ULK4: variants seen among roughly 807,000 people sequenced by gnomAD.
The protein encoded by ULK4 is inactive serine/threonine-protein kinase ULK4.
ULK4 carries 133 observed loss-of-function variants against 160.6 expected under a neutral mutation model. The observed-to-expected ratio is 0.83, with a 90% CI of 0.72 to 0.96. ULK4 has a LOEUF of 0.96. Ranked by LOEUF, ULK4 falls within the 40% of genes least tolerant of loss-of-function variation. ULK4 has a pLI of 0.00. For missense variants in ULK4, 1,580 were observed against 1,499.5 expected, an observed-to-expected ratio of 1.05 and a Z score of -0.89; for synonymous variants, 534 against 539.8, an observed-to-expected ratio of 0.99 and a Z score of 0.15.
At chr3:41,730,200 G>C (rs2037778308) in intron 22 of ULK4, among the ~76,000 whole-genome samples, 1 of 151,962 alleles carries the variant, frequency 6.6e-6, no homozygotes, top group South Asian at 2.1e-4. Flanking sequence ...AAATAAGAAA[G>C]ATCTCAAAGA....
chr3:41,300,837 T>TATATATA lies in ULK4; in HGVS notation c.3679-51264_3679-51263insTATATAT, dbSNP rs1553640531. ...GATTAAATTTTGATCATTTTACAGA[T>TATATATA]TATATATATATATATATATATATAT... On this transcript the variant is annotated intron_variant, in intron 35 of 36. Coordinates refer to ENST00000301831, the MANE Select transcript of ULK4 (RefSeq NM_017886.4). Among the ~76,000 whole-genome samples the TATATATA allele has an allele frequency of 4.4e-3, 256 of 57,856 alleles. 26 individuals are homozygous for TATATATA. Among genetic ancestry groups the TATATATA allele is most frequent in the African/African-American group, 6.4e-3 (140 of 21,952 alleles). 38.0% of individuals were successfully genotyped at this position (57,856 alleles called of 152,430 possible). A position where few individuals can be genotyped will look rare whatever the true frequency, so the allele number is the denominator to read the frequency against.
At chr3:41,950,137 A>C (rs1194810384) in intron 2 of ULK4, among the ~76,000 whole-genome samples, 1 of 150,728 alleles carries the variant, frequency 6.6e-6, no homozygotes, top group Non-Finnish European at 1.5e-5. Flanking sequence ...CTCAGGTTGG[A>C]GCACAGTGGC....
chr3:41,806,125 T>C (rs1310776638), intron 19 of ULK4, among the ~76,000 whole-genome samples: 1,726 of 143,316 alleles, frequency 0.012, 21 homozygotes, highest in African/African-American at 0.046. Flanking sequence ...GGACTCTTTT[T>C]CGTTGGTAAG....
intron 14 of ULK4, among the ~76,000 whole-genome samples, chr3:41,897,580 A>G (rs1305136270): frequency 2.6e-5 from 4 of 152,142 alleles, no homozygotes. Flanking sequence ...ATAATCTCCT[A>G]AATAACTCAA....
chr3:41,566,215 G>T, intron 31 of ULK4, 85 bp from the exon 32 acceptor site: 3 of 1,060,154 alleles, frequency 2.8e-6, no homozygotes. Context: ...GATGTCCACT[G>T]CTTCATTCTT....
chr3:41,863,872 G>A (rs1427887187), intron 17 of ULK4, among the ~76,000 whole-genome samples: 1 of 151,688 alleles, frequency 6.6e-6, no homozygotes, highest in Non-Finnish European at 1.5e-5. Flanking sequence ...CAGAAGGAAG[G>A]GGTCTTTTTT....
At chr3:41,721,279 T>TTTTG (rs1553639846) in intron 22 of ULK4, among the ~76,000 whole-genome samples, 26 of 98,908 alleles carry the variant, frequency 2.6e-4, no homozygotes, top group African/African-American at 9.6e-4. Context: ...TTTTTTTTTT[T>TTTTG]TTTTTGGGTT....
At chr3:41,907,236 A>T (rs1698602056) in intron 12 of ULK4, among the ~76,000 whole-genome samples, 1 of 152,048 alleles carries the variant, frequency 6.6e-6, no homozygotes, top group Non-Finnish European at 1.5e-5. Context: ...AAGAATTCTA[A>T]AACTGTGGTG....
At chr3:41,724,748 G>C (rs1447349460) in intron 22 of ULK4, among the ~76,000 whole-genome samples, 1 of 151,864 alleles carries the variant, frequency 6.6e-6, no homozygotes, top group Non-Finnish European at 1.5e-5. Flanking sequence ...AAAAATTCCA[G>C]TTTTTCTATA....
At chr3:41,641,425 G>A (rs943361424) in intron 30 of ULK4, among the ~76,000 whole-genome samples, 4 of 152,124 alleles carry the variant, frequency 2.6e-5, no homozygotes, top group Admixed American at 6.5e-5. Context: ...GGCCAGGCAC[G>A]GTGGCTCATG....
At chr3:41,308,304 G>A (rs2125717664) in intron 35 of ULK4, among the ~76,000 whole-genome samples, 1 of 150,026 alleles carries the variant, frequency 6.7e-6, no homozygotes, top group South Asian at 2.1e-4. Context: ...AGCGCACGAG[G>A]GACACATCCT....
intron 35 of ULK4, among the ~76,000 whole-genome samples, chr3:41,267,659 C>T (rs2079065639): frequency 6.6e-6 from 1 of 152,130 alleles, no homozygotes; most frequent in Non-Finnish European, 1.5e-5. Flanking sequence ...AAATGCCCTA[C>T]CACTATAAAT....
rs372047196 is a variant in ULK4 at position 41,859,807 on chromosome 3, G to A, written c.1657-23836C>T. ...CCAGTAGCTAGGATTACAGGTGCAC[G>A]CCACCATGCCTGGCTAATTTTTTTT... On this transcript the variant is annotated intron_variant, in intron 17 of 36. Coordinates refer to ENST00000301831, the MANE Select transcript of ULK4 (RefSeq NM_017886.4). Among the ~76,000 whole-genome samples, 18 of 148,226 alleles carry A rather than the reference G, an allele frequency of 1.2e-4. No homozygotes were observed. The East Asian group carries it at 2.0e-3, about 16-fold the overall frequency.
chr3:41,672,734 T>C (rs1429876455), intron 29 of ULK4, among the ~76,000 whole-genome samples: 1 of 152,214 alleles, frequency 6.6e-6, no homozygotes, highest in African/African-American at 2.4e-5. Context: ...TGCTAAATAC[T>C]TGGGTAATAA....
At position 41,695,145 on chromosome 3, in the gene ULK4, G is replaced by T. The variant is rs1237767717; in HGVS notation, c.2781+9912C>A. On this transcript the variant is annotated intron_variant, in intron 27 of 36. Transcript: ENST00000301831. ...CCAACTCCCTCAAGTTCTTTTAAAG[G>T]ACACTAATTCCATTCATGAGAGGGG... 2.0e-5 allele frequency among the ~76,000 whole-genome samples: 3 copies of T among 152,194 alleles called. No homozygotes were observed. The East Asian group carries it at 5.8e-4, about 29-fold the overall frequency.
intron 30 of ULK4, among the ~76,000 whole-genome samples, chr3:41,654,947 T>G (rs2034873708): frequency 6.6e-6 from 1 of 152,218 alleles, no homozygotes; most frequent in Non-Finnish European, 1.5e-5. Flanking sequence ...TGCTTCTCAC[T>G]GTGAGGCTTT....
chr3:41,627,066 C>T (rs949331801), intron 30 of ULK4, among the ~76,000 whole-genome samples: 3 of 152,142 alleles, frequency 2.0e-5, no homozygotes, highest in Non-Finnish European at 2.9e-5. Context: ...AGCTAAATTT[C>T]ACACCATTAT....
At chr3:41,397,904 C>T (rs74822008) in intron 35 of ULK4, among the ~76,000 whole-genome samples, 175 bp downstream of exon 35, 3,551 of 152,254 alleles carry the variant, frequency 0.023, 134 homozygotes, top group African/African-American at 0.079. Flanking sequence ...TGCAGATAAA[C>T]AGTATATGAC....
At chr3:41,844,228 C>T (rs1225635829) in intron 17 of ULK4, among the ~76,000 whole-genome samples, 5 of 152,038 alleles carry the variant, frequency 3.3e-5, no homozygotes, top group African/African-American at 1.2e-4. Flanking sequence ...GGGCGGCGCT[C>T]GCTGGGGAGA....
Sources: allele counts gnomAD v4.1 joint callset (sites outside exome capture counted in the v4.1 genomes callset), GRCh38; gene constraint gnomAD v4.1.1; transcripts MANE v1.5; gene names NCBI Gene and HGNC (gene_info 2026-07-23, HGNC 2026-07-21).